The following GABRA2 variants were observed in gnomAD, a reference collection of about 807,000 sequenced individuals.
GABRA2 encodes gamma-aminobutyric acid type A receptor subunit alpha2, also known as gamma-aminobutyric acid receptor subunit alpha-2.
GABRA2 carries 16 observed loss-of-function variants against 48.7 expected under a neutral mutation model. The ratio of observed to expected loss-of-function variants is 0.33; its 90% CI spans 0.22 to 0.50. The LOEUF (loss-of-function observed/expected upper bound fraction) is 0.50, where lower values mean the gene tolerates loss of function less well. GABRA2 is among the 20% of genes least tolerant of loss of function. The pLI is 0.98. For missense variants in GABRA2, 275 were observed against 535.6 expected (o/e 0.51, Z 4.80); for synonymous variants, 185 against 184.5 (o/e 1.00, Z -0.02).
intron 8 of GABRA2, 44 bp from the exon 9 acceptor site, chr4:46,262,172 G>A: frequency 6.6e-7 from 1 of 1,522,536 alleles, no homozygotes; most frequent in Non-Finnish European, 9.1e-7. Context: ...ATAGGTACTA[G>A]CAGGACAGCA....
chr4:46,288,005 G>C (rs1722885599), intron 8 of GABRA2, among the ~76,000 whole-genome samples: 1 of 152,028 alleles, frequency 6.6e-6, no homozygotes, highest in African/African-American at 2.4e-5. Context: ...GCTTATGCAG[G>C]GAAACACCCC....
At chr4:46,255,719 C>A (rs930639215) in intron 9 of GABRA2, among the ~76,000 whole-genome samples, 1 of 151,356 alleles carries the variant, frequency 6.6e-6, no homozygotes, top group Middle Eastern at 3.4e-3. Context: ...TTATTGAAGT[C>A]TTTGGATGTA....
At chr4:46,307,923 GCCGAGA>G (rs1726984358) in intron 6 of GABRA2, among the ~76,000 whole-genome samples, 1 of 152,110 alleles carries the variant, frequency 6.6e-6, no homozygotes, top group Non-Finnish European at 1.5e-5. Context: ...ACACATATAA[GCCGAGA>G]GGTCATAATA....
intron 6 of GABRA2, among the ~76,000 whole-genome samples, chr4:46,307,642 A>G (rs900718749): frequency 6.6e-6 from 1 of 152,120 alleles, no homozygotes; most frequent in Non-Finnish European, 1.5e-5. Context: ...AAAAAGTCTC[A>G]ATTCACTCTT....
At chr4:46,290,532 T>C (rs772190805) in intron 8 of GABRA2, among the ~76,000 whole-genome samples, 7 of 152,128 alleles carry the variant, frequency 4.6e-5, no homozygotes, top group Non-Finnish European at 7.4e-5. Flanking sequence ...GGGATATTAT[T>C]ATAAATGATA....
chr4:46,308,954 A>G (rs1727164412), intron 6 of GABRA2, among the ~76,000 whole-genome samples: 1 of 151,896 alleles, frequency 6.6e-6, no homozygotes, highest in Admixed American at 6.6e-5. Context: ...TTTTTTCTAT[A>G]ATGCCTCTTA....
chr4:46,385,336 T>G (rs999774764), intron 3 of GABRA2, among the ~76,000 whole-genome samples: 3 of 151,836 alleles, frequency 2.0e-5, no homozygotes, highest in Non-Finnish European at 4.4e-5. Context: ...AAACAAGTGA[T>G]AAATGTGATC....
chr4:46,262,317 T>C (rs193194142), intron 8 of GABRA2, among the ~76,000 whole-genome samples, 189 bp from the exon 9 acceptor site: 12 of 152,156 alleles, frequency 7.9e-5, no homozygotes, highest in African/African-American at 2.9e-4. Context: ...ATGGTTATGA[T>C]ATTTCGTGAT....
At chr4:46,307,382 G>A (rs1372829249) in intron 6 of GABRA2, among the ~76,000 whole-genome samples, 1 of 150,416 alleles carries the variant, frequency 6.6e-6, no homozygotes, top group Non-Finnish European at 1.5e-5. Flanking sequence ...TACATCAAAT[G>A]ATCTACTTTA....
intron 9 of GABRA2, among the ~76,000 whole-genome samples, chr4:46,260,481 A>C (rs937875008): frequency 6.6e-6 from 1 of 151,890 alleles, no homozygotes; most frequent in East Asian, 1.9e-4. Flanking sequence ...ATATCATTTC[A>C]GAATGTCAAT....
chr4:46,310,893 T>C (rs942840464), intron 5 of GABRA2, among the ~76,000 whole-genome samples: 2 of 152,164 alleles, frequency 1.3e-5, no homozygotes, highest in Non-Finnish European at 1.5e-5. Flanking sequence ...AGAGTAGTCA[T>C]AGAAAATTTG....
intron 6 of GABRA2, among the ~76,000 whole-genome samples, chr4:46,308,585 T>A (rs567028102): frequency 2.0e-5 from 3 of 152,132 alleles, no homozygotes; most frequent in South Asian, 4.1e-4. Context: ...AACATAAAAA[T>A]TGTTTATTCA....
At position 46,387,596 on chromosome 4, in the gene GABRA2, T is replaced by G. The variant is rs77757274; in HGVS notation, c.71+1040A>C. ...CCAATAACTAAGATGTTCATAAAGT[T>G]CCACATATTTTCATTTGAAAGTGTT... On this transcript the variant is annotated intron_variant, in intron 2 of 9. Transcript: ENST00000381620. Among the ~76,000 whole-genome samples, 201 of 152,280 alleles carry G rather than the reference T, an allele frequency of 1.3e-3. 8 individuals are homozygous for G. In the East Asian group the frequency reaches 0.034, roughly 26 times the overall value.
At chr4:46,335,645 A>G (rs540769271) in intron 3 of GABRA2, among the ~76,000 whole-genome samples, 3 of 152,114 alleles carry the variant, frequency 2.0e-5, no homozygotes, top group Non-Finnish European at 4.4e-5. Context: ...TAGTTTTTGT[A>G]TTCTTAGTAG....
At chr4:46,289,278 C>T (rs1723134103) in intron 8 of GABRA2, among the ~76,000 whole-genome samples, 1 of 152,098 alleles carries the variant, frequency 6.6e-6, no homozygotes, top group African/African-American at 2.4e-5. Context: ...GCACTAGTAA[C>T]AATAGCAAAG....
chr4:46,333,712 C>G (rs1731747530), intron 3 of GABRA2, among the ~76,000 whole-genome samples: 1 of 152,044 alleles, frequency 6.6e-6, no homozygotes, highest in Non-Finnish European at 1.5e-5. Context: ...TTTAAAGCAC[C>G]TGAAATATTA....
At chr4:46,296,973 G>A (rs1010623554) in intron 8 of GABRA2, among the ~76,000 whole-genome samples, 3 of 152,114 alleles carry the variant, frequency 2.0e-5, no homozygotes, top group Non-Finnish European at 4.4e-5. Context: ...CCGGTTGTAC[G>A]AAAGATAGTT....
intron 4 of GABRA2, among the ~76,000 whole-genome samples, chr4:46,317,844 C>T (rs956611963): frequency 6.6e-6 from 1 of 151,710 alleles, no homozygotes; most frequent in African/African-American, 2.4e-5. Context: ...TTTATGCCCA[C>T]TGTTTATAAA....
chr4:46,260,438 C>T (rs1459328481), intron 9 of GABRA2, among the ~76,000 whole-genome samples: 1 of 151,768 alleles, frequency 6.6e-6, no homozygotes, highest in African/African-American at 2.4e-5. Flanking sequence ...TTTAGAGGTA[C>T]TTCTGTTTTC....
Sources: gnomAD v4.1 joint callset for allele counts (sites outside exome capture counted in the v4.1 genomes callset) on GRCh38, gnomAD v4.1.1 for gene constraint, MANE v1.5 for transcripts, NCBI Gene and HGNC (gene_info 2026-07-23, HGNC 2026-07-21) for gene names.